The following RBFOX1 variants were observed in gnomAD, a reference collection of about 807,000 sequenced individuals.
RBFOX1 encodes RNA binding fox-1 homolog 1.
RBFOX1 carries 8 observed loss-of-function variants against 57.7 expected under a neutral mutation model. That is an observed-to-expected ratio of 0.14 (90% CI 0.08 to 0.25). RBFOX1 has a LOEUF of 0.25. Ranked by LOEUF, RBFOX1 falls within the 10% of genes least tolerant of loss-of-function variation. The pLI is 1.00. For missense variants in RBFOX1, 611 were observed against 548.5 expected (o/e 1.11, Z -1.14); for synonymous variants, 326 against 222.4 (o/e 1.47, Z -4.15).
chr16:7,030,023 A>C (rs2042383118), intron 3 of RBFOX1, among the ~76,000 whole-genome samples: 1 of 152,178 alleles, frequency 6.6e-6, no homozygotes, highest in Non-Finnish European at 1.5e-5. Flanking sequence ...CCTTTATGGG[A>C]AAAGTGGAGG....
At chr16:5,296,179 C>G (rs1277460573) in intron 1 of RBFOX1, among the ~76,000 whole-genome samples, 1 of 152,194 alleles carries the variant, frequency 6.6e-6, no homozygotes, top group Non-Finnish European at 1.5e-5. Flanking sequence ...TCTGACTTGT[C>G]TGAAGCATGC....
chr16:6,865,353 C>T (rs932115679), intron 3 of RBFOX1, among the ~76,000 whole-genome samples: 5 of 151,930 alleles, frequency 3.3e-5, no homozygotes, highest in African/African-American at 1.2e-4. Flanking sequence ...AATATGTGTT[C>T]ATTGTAGATA....
intron 2 of RBFOX1, among the ~76,000 whole-genome samples, chr16:6,514,898 A>G (rs761785428): frequency 5.9e-5 from 9 of 152,034 alleles, no homozygotes; most frequent in East Asian, 1.9e-4. Context: ...GGAGGAGGAG[A>G]AAAAAGAGGG....
At chr16:7,660,205 A>T (rs1368534977) in intron 12 of RBFOX1, among the ~76,000 whole-genome samples, 1 of 152,172 alleles carries the variant, frequency 6.6e-6, no homozygotes, top group Non-Finnish European at 1.5e-5. Flanking sequence ...CATTCATTCA[A>T]ATATTTAACT....
intron 4 of RBFOX1, among the ~76,000 whole-genome samples, chr16:7,481,639 A>C (rs1057364971): frequency 2.6e-5 from 4 of 152,228 alleles, no homozygotes; most frequent in African/African-American, 9.6e-5. Context: ...TATTGAAAAC[A>C]TATTTGGTAT....
chr16:7,479,722 G>T (rs949421056), intron 4 of RBFOX1, among the ~76,000 whole-genome samples: 6 of 152,090 alleles, frequency 3.9e-5, no homozygotes, highest in Non-Finnish European at 8.8e-5. Flanking sequence ...TGGAGGGGGG[G>T]CAGGTGTAGG....
At chr16:5,267,240 C>T (rs1278434045) in intron 1 of RBFOX1, among the ~76,000 whole-genome samples, 5 of 152,024 alleles carry the variant, frequency 3.3e-5, no homozygotes, top group African/African-American at 9.7e-5. Context: ...TTAACATACA[C>T]CCATGTACAT....
intron 2 of RBFOX1, among the ~76,000 whole-genome samples, chr16:6,652,405 G>A (rs944931487): frequency 4.6e-5 from 7 of 151,804 alleles, no homozygotes; most frequent in South Asian, 2.1e-4. Context: ...CCAAGATCTC[G>A]CCACTGCACT....
At chr16:5,902,532 C>T (rs1178322944) in intron 4 of RBFOX1, among the ~76,000 whole-genome samples, 1 of 152,144 alleles carries the variant, frequency 6.6e-6, no homozygotes, top group Non-Finnish European at 1.5e-5. Flanking sequence ...TCTCCCGCGC[C>T]AGCCACCCGA....
Position 7,333,016 on chromosome 16 carries a change from A to G in RBFOX1, c.28-185131A>G, listed in dbSNP as rs916299230. The stretch of plus-strand genomic sequence containing the variant: ...CTACGTAAAGCATGCTGGCGTCTCA[A>G]GGAGTTCTCCTGCATCCTTATGGCG... On this transcript the variant is annotated intron_variant, in intron 4 of 15. Transcript: ENST00000550418. The G allele has an allele frequency of 1.9e-6, 3 of 1,613,638 alleles. No individual in the cohort carries two copies. The Admixed American group carries it at 5.0e-5, about 27-fold the overall frequency.
At chr16:6,328,993 G>T (rs1465358505) in intron 2 of RBFOX1, among the ~76,000 whole-genome samples, 1 of 152,158 alleles carries the variant, frequency 6.6e-6, no homozygotes, top group Non-Finnish European at 1.5e-5. Context: ...ATCAGCAGCT[G>T]GTTCTGAAGT....
chr16:5,398,743 T>C (rs9930299), intron 1 of RBFOX1, among the ~76,000 whole-genome samples: 12,854 of 152,104 alleles, frequency 0.085, 1,755 homozygotes, highest in African/African-American at 0.28. Flanking sequence ...GAGTAAGTGA[T>C]GATTCCATGG....
intron 1 of RBFOX1, among the ~76,000 whole-genome samples, chr16:5,330,654 A>C (rs139425916): frequency 2.9e-4 from 43 of 149,578 alleles, no homozygotes; most frequent in African/African-American, 9.1e-4. Flanking sequence ...ATCTGCCTGC[A>C]TCTGCCTCCC....
chr16:6,965,135 C>T (rs563901695), intron 3 of RBFOX1, among the ~76,000 whole-genome samples: 19 of 152,116 alleles, frequency 1.2e-4, no homozygotes, highest in Admixed American at 9.8e-4. Flanking sequence ...CCATGGTTCT[C>T]GGGGCCAAGG....
At chr16:7,145,677 T>C (rs1166524941) in intron 4 of RBFOX1, among the ~76,000 whole-genome samples, 1 of 152,190 alleles carries the variant, frequency 6.6e-6, no homozygotes, top group Non-Finnish European at 1.5e-5. Context: ...TTCTGTTTCA[T>C]TTAGATACTG....
At chr16:7,057,093 C>T (rs1382148920) in intron 4 of RBFOX1, among the ~76,000 whole-genome samples, 1 of 151,670 alleles carries the variant, frequency 6.6e-6, no homozygotes, top group Non-Finnish European at 1.5e-5. Flanking sequence ...CAGTGTTATT[C>T]CCAATAATTA....
intron 4 of RBFOX1, among the ~76,000 whole-genome samples, chr16:7,406,863 C>G (rs955064912): frequency 1.3e-5 from 2 of 152,140 alleles, no homozygotes; most frequent in East Asian, 1.9e-4. Context: ...CTTGCATTTT[C>G]TAGTTTCTAG....
At chr16:5,603,736 A>G (rs1412220696), downstream of RBFOX1, among the ~76,000 whole-genome samples, 3 of 152,140 alleles carry the variant, frequency 2.0e-5, no homozygotes, top group African/African-American at 4.8e-5. Context: ...CTGTCTTTAA[A>G]CATTGCAGTC....
intron 2 of RBFOX1, among the ~76,000 whole-genome samples, chr16:6,605,835 C>T (rs531991577): frequency 5.3e-5 from 8 of 152,294 alleles, no homozygotes; most frequent in African/African-American, 1.9e-4. Flanking sequence ...CACAGTGGCT[C>T]ACTCCTGTAA....
Sources: gnomAD v4.1 joint callset for allele counts (sites outside exome capture counted in the v4.1 genomes callset) on GRCh38, gnomAD v4.1.1 for gene constraint, MANE v1.5 for transcripts, NCBI Gene and HGNC (gene_info 2026-07-23, HGNC 2026-07-21) for gene names.